The following MYO9A variants were observed in gnomAD, a reference collection of about 807,000 sequenced individuals.
MYO9A encodes the protein myosin IXA, also known as unconventional myosin-IXa.
A neutral mutation model predicts 293.3 loss-of-function variants in MYO9A; 103 were observed. The ratio of observed to expected loss-of-function variants is 0.35; its 90% CI spans 0.30 to 0.41. MYO9A has a LOEUF of 0.41. MYO9A is among the 10% of genes least tolerant of loss of function. MYO9A has a pLI of 1.00. For missense variants in MYO9A, 2,685 were observed against 3,033.0 expected (o/e 0.89, Z 2.69); for synonymous variants, 1,001 against 1,035.7 (o/e 0.97, Z 0.64).
intron 38 of MYO9A, among the ~76,000 whole-genome samples, chr15:71,849,215 C>T (rs890778113): frequency 6.6e-6 from 1 of 152,072 alleles, no homozygotes; most frequent in African/African-American, 2.4e-5. Context: ...TTTGGGAGGC[C>T]GAGGCGGGTG....
chr15:71,950,361 C>G (rs994537032), intron 15 of MYO9A: 7 of 152,190 alleles, frequency 4.6e-5, no homozygotes, highest in African/African-American at 1.7e-4. Context: ...CCATATGTAG[C>G]TGGCATACAA....
intron 27 of MYO9A, among the ~76,000 whole-genome samples, chr15:71,884,139 C>G (rs1219575701): frequency 1.3e-5 from 2 of 152,064 alleles, no homozygotes; most frequent in Admixed American, 6.6e-5. Flanking sequence ...CACAATTTAA[C>G]AACAAAGAAA....
chr15:71,886,193 GTA>G (rs1491447511), intron 27 of MYO9A, among the ~76,000 whole-genome samples: 2 of 60,306 alleles, frequency 3.3e-5, no homozygotes, highest in East Asian at 4.5e-4. Flanking sequence ...TTAAAGTAGG[GTA>G]AAAAAAAAAA....
chr15:71,991,938 TAG>T (rs747049685), intron 10 of MYO9A, among the ~76,000 whole-genome samples: 2 of 152,132 alleles, frequency 1.3e-5, no homozygotes, highest in Non-Finnish European at 2.9e-5. Flanking sequence ...GTATTTTTGG[TAG>T]AGACTGGTTT....
rs183840662 is a variant in MYO9A at position 71,945,602 on chromosome 15, G to A, written c.2302+6175C>T. Among the ~76,000 whole-genome samples the A allele has an allele frequency of 1.4e-4, 21 of 152,134 alleles. No homozygotes were observed. In the East Asian group the frequency reaches 1.5e-3, roughly 11 times the overall value. The stretch of plus-strand genomic sequence containing the variant: ...ATTTTCTATAATTACTTGGTATCCC[G>A]TAAAAATGTTAAACTCACTTTTTAG... On this transcript the variant is annotated intron_variant, in intron 15 of 41. Coordinates refer to ENST00000356056, the MANE Select transcript of MYO9A (RefSeq NM_006901.4).
At chr15:72,018,954 G>T in intron 6 of MYO9A, 85 bp downstream of exon 6, 2 of 1,024,114 alleles carry the variant, frequency 2.0e-6, no homozygotes, top group South Asian at 1.4e-5. Flanking sequence ...CAGCTGATTT[G>T]CATTCTAAAT....
chr15:71,905,277 C>A (rs1345537335), intron 19 of MYO9A, among the ~76,000 whole-genome samples: 1 of 152,030 alleles, frequency 6.6e-6, no homozygotes, highest in East Asian at 1.9e-4. Flanking sequence ...ATTTTTTTCA[C>A]TTTTCTTCAC....
At chr15:71,850,526 A>G (rs1184986267) in intron 37 of MYO9A, among the ~76,000 whole-genome samples, 1 of 152,106 alleles carries the variant, frequency 6.6e-6, no homozygotes, top group Admixed American at 6.5e-5. Flanking sequence ...GCACTTTGGG[A>G]GGCCAATGTG....
intron 23 of MYO9A, 84 bp downstream of exon 23, chr15:71,901,107 T>C (rs1567248000): frequency 7.2e-7 from 1 of 1,383,928 alleles, no homozygotes; most frequent in Non-Finnish European, 9.7e-7. Context: ...TTACTGAAAA[T>C]GTTTTACAGT....
chr15:72,055,262 A>T (rs2078688266), intron 1 of MYO9A, among the ~76,000 whole-genome samples: 1 of 152,208 alleles, frequency 6.6e-6, no homozygotes, highest in South Asian at 2.1e-4. Context: ...CTCTAAATAA[A>T]TAAAATGTTA....
At chr15:71,879,268 A>T (rs1287191161) in intron 30 of MYO9A, among the ~76,000 whole-genome samples, 2 of 152,242 alleles carry the variant, frequency 1.3e-5, no homozygotes, top group African/African-American at 4.8e-5. Context: ...TATAAGGTAA[A>T]TCTCAAAGTG....
At chr15:72,077,753 ATATATATATATAT>A (rs1175135717) in intron 1 of MYO9A, among the ~76,000 whole-genome samples, 2 of 33,534 alleles carry the variant, frequency 6.0e-5, no homozygotes, top group Admixed American at 7.7e-4. Context: ...AAAAAAAAAA[ATATATATATATAT>A]ATATATATAT....
In MYO9A at chr15:71,827,931, G is replaced by C. The variant is rs1217990331; in HGVS notation, c.7136C>G (p.Ser2379Ter). 6.2e-7 allele frequency: 1 copy of C among 1,613,746 alleles called. No homozygotes were observed. Among genetic ancestry groups the C allele is most frequent in the South Asian group, 1.1e-5 (1 of 91,032 alleles). The change falls in exon 41 of 42, where the codon TCA (serine) becomes TGA (stop). Residue 2379 changes from serine (S) to a stop codon, truncating the protein, a stop_gained. Coordinates refer to ENST00000356056, the MANE Select transcript of MYO9A (RefSeq NM_006901.4). LOFTEE classifies it high-confidence loss of function. ...SEASIGTADS[S>*]ENLNMESEYA... ...TTCAGACTCCATATTCAAATTCTCT[G>C]AGCTATCAGCAGTCCCAATGGAGGC...
chr15:71,833,247 TAA>T (rs1447786578), intron 39 of MYO9A, among the ~76,000 whole-genome samples: 1 of 151,816 alleles, frequency 6.6e-6, no homozygotes, highest in East Asian at 1.9e-4. Flanking sequence ...ATGATGTTTA[TAA>T]GAGACATGTG....
chr15:71,850,065 T>C lies in MYO9A; in HGVS notation c.6684A>G (p.Gln2228=). Residue 2228 remains glutamine (Q), a synonymous_variant, in exon 38 of 42, where the codon CAA becomes CAG. Transcript: ENST00000356056. ...TAGTCTTACTGATGTCCTGTACACT[T>C]TGTAGTGGGTCAGTGGTGTCAGGGC... The part of the protein sequence containing the change: ...LRCPDTTDPL[Q]SVQDISKTTT... 1 of 1,613,988 alleles carries C rather than the reference T, an allele frequency of 6.2e-7. No individual in the cohort carries two copies.
intron 34 of MYO9A, chr15:71,858,793 A>G (rs1457905535): frequency 6.6e-6 from 1 of 151,662 alleles, no homozygotes; most frequent in East Asian, 1.9e-4. Flanking sequence ...AACATGGCAC[A>G]TGTATACATA....
chr15:71,906,682 T>C (rs953920660), intron 19 of MYO9A, among the ~76,000 whole-genome samples: 4 of 151,488 alleles, frequency 2.6e-5, no homozygotes, highest in African/African-American at 9.7e-5. Flanking sequence ...TTAGTATCAT[T>C]GTATTTAAAG....
At chr15:72,097,196 C>G (rs2080091771) in intron 1 of MYO9A, among the ~76,000 whole-genome samples, 1 of 152,184 alleles carries the variant, frequency 6.6e-6, no homozygotes, top group South Asian at 2.1e-4. Flanking sequence ...ACAGACAAAT[C>G]TTTCATTAAA....
chr15:71,824,947 T>TAATA lies in MYO9A; in HGVS notation c.*1629_*1632dup, dbSNP rs879522931. ...AGAGACTCTGCCTTAACAAAAGACT[T>TAATA]AATATTTCCACAACTTCAAAGAAGT... On this transcript the variant is annotated 3_prime_UTR_variant, in exon 42 of 42. Transcript: ENST00000356056. The TAATA allele has an allele frequency of 1.3e-5, 2 of 151,866 alleles. No individual in the cohort carries two copies. Among genetic ancestry groups the TAATA allele is most frequent in the Admixed American group, 6.6e-5 (1 of 15,260 alleles). 9.4% of individuals were successfully genotyped at this position (151,866 alleles called of 1,614,324 possible). A position where few individuals can be genotyped will look rare whatever the true frequency, so the allele number is the denominator to read the frequency against.
Sources: gnomAD v4.1 joint callset for allele counts (sites outside exome capture counted in the v4.1 genomes callset) on GRCh38, gnomAD v4.1.1 for gene constraint, MANE v1.5 for transcripts, NCBI Gene and HGNC (gene_info 2026-07-23, HGNC 2026-07-21) for gene names.